MEIKIN: variants seen among roughly 807,000 people sequenced by gnomAD.
The protein encoded by MEIKIN is meiotic kinetochore factor.
intron 9 of MEIKIN, among the ~76,000 whole-genome samples, chr5:131,868,123 T>C (rs566977170): frequency 6.6e-6 from 1 of 152,328 alleles, no homozygotes; most frequent in East Asian, 1.9e-4. Flanking sequence ...AGAGTCTCAC[T>C]CTGTTGCCCA....
intron 8 of MEIKIN, among the ~76,000 whole-genome samples, chr5:131,898,687 G>A (rs1223671081): frequency 6.6e-6 from 1 of 152,256 alleles, no homozygotes; most frequent in Non-Finnish European, 1.5e-5. Context: ...TCAGGATGCT[G>A]CGCTAGCAGT....
intron 10 of MEIKIN, among the ~76,000 whole-genome samples, chr5:131,854,108 T>C (rs1296949241): frequency 6.6e-6 from 1 of 152,218 alleles, no homozygotes. Flanking sequence ...CATCAATAGA[T>C]GAATGGATAA....
intron 11 of MEIKIN, among the ~76,000 whole-genome samples, chr5:131,834,619 T>C (rs1163778228): frequency 1.3e-5 from 2 of 152,210 alleles, no homozygotes; most frequent in African/African-American, 2.4e-5. Context: ...CTTAGCATAC[T>C]GTCATCCAGG....
chr5:131,908,746 T>C (rs534171709), intron 8 of MEIKIN, among the ~76,000 whole-genome samples: 10 of 152,180 alleles, frequency 6.6e-5, no homozygotes, highest in East Asian at 1.9e-4. Context: ...TGATACAAAA[T>C]CAACATATAA....
rs144238714 is a variant in MEIKIN, at chr5:131,866,417, C to T, written c.775-11583G>A. Among the ~76,000 whole-genome samples, 533 of 152,240 alleles carry T rather than the reference C, an allele frequency of 3.5e-3. 4 individuals are homozygous for T. Among genetic ancestry groups the T allele is most frequent in the African/African-American group, 0.012 (501 of 41,550 alleles). ...CCCTCATGGTGTGTAAAGATGCTGG[C>T]GGTGGCATGCAGGGGCAGAATGACC... On this transcript the variant is annotated intron_variant, in intron 9 of 12. Coordinates refer to ENST00000442687, the MANE Select transcript of MEIKIN (RefSeq NM_001303622.2).
At chr5:131,881,392 C>T (rs1750700998) in intron 8 of MEIKIN, among the ~76,000 whole-genome samples, 1 of 152,084 alleles carries the variant, frequency 6.6e-6, no homozygotes. Flanking sequence ...CACTAGGTCT[C>T]AGGGTTTTTT....
chr5:131,829,675 C>T (rs1749680111), intron 11 of MEIKIN, among the ~76,000 whole-genome samples: 1 of 152,142 alleles, frequency 6.6e-6, no homozygotes, highest in Admixed American at 6.5e-5. Context: ...TCCTAACCCC[C>T]AGTACTTGTG....
chr5:131,938,009 G>A (rs551669832), intron 4 of MEIKIN, among the ~76,000 whole-genome samples: 52 of 151,888 alleles, frequency 3.4e-4, no homozygotes, highest in Non-Finnish European at 5.6e-4. Flanking sequence ...CTAGCTTTGC[G>A]TGTTTAATAA....
Position 131,835,969 on chromosome 5 carries a change from G to T in MEIKIN, c.975+15295C>A, listed in dbSNP as rs368031541. ...TATTAGGTAAACCCATATCATGGGGGTTTGTTGCACAGATTATTTTGTCAT... is the reference window on the plus strand; with the variant it reads ...TATTAGGTAAACCCATATCATGGGGTTTTGTTGCACAGATTATTTTGTCAT... On this transcript the variant is annotated intron_variant, in intron 11 of 12. Coordinates refer to ENST00000442687, the MANE Select transcript of MEIKIN (RefSeq NM_001303622.2). Among the ~76,000 whole-genome samples, 26 of 152,184 alleles carry T rather than the reference G, an allele frequency of 1.7e-4. No homozygotes were observed. In the East Asian group the frequency reaches 2.1e-3, roughly 12 times the overall value.
chr5:131,811,509 G>C (rs1370700552), intron 12 of MEIKIN, among the ~76,000 whole-genome samples: 1 of 151,998 alleles, frequency 6.6e-6, no homozygotes, highest in Non-Finnish European at 1.5e-5. Flanking sequence ...GTTTCGCCAT[G>C]TTGGCTAGGC....
intron 5 of MEIKIN, among the ~76,000 whole-genome samples, chr5:131,927,271 A>T (rs1030672114): frequency 6.6e-6 from 1 of 152,172 alleles, no homozygotes; most frequent in African/African-American, 2.4e-5. Context: ...CATATTTGTG[A>T]ATTTTCCAGT....
intron 9 of MEIKIN, among the ~76,000 whole-genome samples, chr5:131,872,358 C>G (rs1454190192): frequency 6.6e-6 from 1 of 152,118 alleles, no homozygotes; most frequent in Non-Finnish European, 1.5e-5. Flanking sequence ...AATGCACAAG[C>G]CTCAGTAGCT....
chr5:131,903,079 A>G (rs929727499), intron 8 of MEIKIN, among the ~76,000 whole-genome samples: 2 of 152,162 alleles, frequency 1.3e-5, no homozygotes, highest in African/African-American at 4.8e-5. Context: ...TGGATGTACA[A>G]AAGAACTCAG....
chr5:131,838,660 C>A (rs1749853281), intron 11 of MEIKIN, among the ~76,000 whole-genome samples: 1 of 152,054 alleles, frequency 6.6e-6, no homozygotes, highest in Admixed American at 6.6e-5. Context: ...ATAATATTAT[C>A]TCATGGTTAT....
At chr5:131,883,994 G>A (rs943487080) in intron 8 of MEIKIN, among the ~76,000 whole-genome samples, 15 of 152,250 alleles carry the variant, frequency 9.9e-5, no homozygotes, top group Admixed American at 5.2e-4. Flanking sequence ...AAGGGAAATC[G>A]CCCATTCCAA....
At chr5:131,889,262 C>T (rs564800497) in intron 8 of MEIKIN, among the ~76,000 whole-genome samples, 1 of 152,066 alleles carries the variant, frequency 6.6e-6, no homozygotes, top group East Asian at 1.9e-4. Context: ...TCATTGGTAG[C>T]TTGATGGGGA....
intron 5 of MEIKIN, among the ~76,000 whole-genome samples, chr5:131,930,198 T>G (rs866042441): frequency 3.3e-5 from 5 of 152,198 alleles, no homozygotes; most frequent in African/African-American, 9.6e-5. Flanking sequence ...CACATTATTT[T>G]TTGACTTTTT....
intron 7 of MEIKIN, among the ~76,000 whole-genome samples, chr5:131,914,310 G>A (rs544055048): frequency 1.7e-4 from 25 of 151,120 alleles, no homozygotes; most frequent in African/African-American, 6.1e-4. Flanking sequence ...CTTGAACCCA[G>A]GAGTTCGAGG....
In MEIKIN at chr5:131,911,831, A is replaced by G; in HGVS notation, c.687T>C (p.Ala229=). 1 of 397,832 alleles carries G rather than the reference A, an allele frequency of 2.5e-6. No individual in the cohort carries two copies. Among genetic ancestry groups the G allele is most frequent in the Middle Eastern group, 6.3e-4 (1 of 1,582 alleles). The allele number at this position is 397,832 out of a possible 1,614,324, so 24.6% of individuals were successfully genotyped here. Residue 229 remains alanine (A), a synonymous_variant, in exon 8 of 13, where the codon GCT becomes GCC. Transcript: ENST00000442687. ...ATTTGTTACCTGATTCTGAATTTGA[A>G]GCACACTTTGCTTTTGGAGAAACAT... ...DQNVSPKAKC[A]SNSESDNAAC...
Sources: allele counts gnomAD v4.1 joint callset (sites outside exome capture counted in the v4.1 genomes callset), GRCh38; gene constraint gnomAD v4.1.1; transcripts MANE v1.5; gene names NCBI Gene and HGNC (gene_info 2026-07-23, HGNC 2026-07-21).